ERC2: variants seen among roughly 807,000 people sequenced by gnomAD.
ERC2 encodes ELKS/RAB6-interacting/CAST family member 2, also known as ERC protein 2.
Under a neutral mutation model 114.8 loss-of-function variants are expected in ERC2, and 42 were observed. The ratio of observed to expected loss-of-function variants is 0.37; its 90% CI spans 0.29 to 0.47. The LOEUF is 0.47. Ranked by LOEUF, ERC2 falls within the 20% of genes least tolerant of loss-of-function variation. The pLI, the probability that ERC2 is intolerant of heterozygous loss-of-function variation, is 0.99. For synonymous variants in ERC2, 454 were observed against 425.5 expected (o/e 1.07, Z -0.82); for missense variants, 939 against 1,150.7 (o/e 0.82, Z 2.66).
At chr3:56,154,096 G>A (rs1197841728) in intron 4 of ERC2, among the ~76,000 whole-genome samples, 2 of 152,176 alleles carry the variant, frequency 1.3e-5, no homozygotes, top group South Asian at 2.1e-4. Flanking sequence ...AGTCATAGCT[G>A]CAAACACAAC....
intron 3 of ERC2, among the ~76,000 whole-genome samples, chr3:56,270,707 T>C (rs1424635696): frequency 6.6e-6 from 1 of 152,224 alleles, no homozygotes; most frequent in Non-Finnish European, 1.5e-5. Context: ...GGGCAGGGCA[T>C]GGTGGCTTAT....
At chr3:56,007,821 C>T (rs1291096772) in intron 9 of ERC2, among the ~76,000 whole-genome samples, 1 of 152,046 alleles carries the variant, frequency 6.6e-6, no homozygotes, top group African/African-American at 2.4e-5. Context: ...GTTTTACAAA[C>T]ATCTTCTGGA....
chr3:55,586,140 C>T (rs138396562), intron 17 of ERC2, among the ~76,000 whole-genome samples: 2,008 of 146,330 alleles, frequency 0.014, 43 homozygotes, highest in African/African-American at 0.046. Flanking sequence ...AGGTGACTGG[C>T]GGGGTGGGGA....
At chr3:56,240,384 G>GTAATTTTTTAAAAGATAAAAAAAAAAA (rs2051247266) in intron 3 of ERC2, among the ~76,000 whole-genome samples, 1 of 152,202 alleles carries the variant, frequency 6.6e-6, no homozygotes, top group African/African-American at 2.4e-5. Context: ...AGTCAGGACT[G>GTAATTTTTTAAAAGATAAAAAAAAAAA]AAGATAGTAA....
At chr3:55,838,510 T>C (rs2060995892) in intron 14 of ERC2, among the ~76,000 whole-genome samples, 1 of 151,814 alleles carries the variant, frequency 6.6e-6, no homozygotes, top group African/African-American at 2.4e-5. Context: ...TTGAACTGAA[T>C]GAAAACACAA....
chr3:55,975,944 C>T (rs1241468222), intron 12 of ERC2, among the ~76,000 whole-genome samples: 2 of 152,304 alleles, frequency 1.3e-5, no homozygotes, highest in East Asian at 3.9e-4. Context: ...TTCCCAACTC[C>T]TCTCTCCTCT....
intron 17 of ERC2, among the ~76,000 whole-genome samples, chr3:55,648,088 T>G (rs2060469853): frequency 6.6e-6 from 1 of 152,226 alleles, no homozygotes; most frequent in African/African-American, 2.4e-5. Flanking sequence ...TTCCTGAAGC[T>G]GGGGATAGGT....
intron 3 of ERC2, among the ~76,000 whole-genome samples, chr3:56,199,800 T>C (rs893679037): frequency 1.3e-5 from 2 of 152,196 alleles, no homozygotes; most frequent in Non-Finnish European, 2.9e-5. Flanking sequence ...TGAGCCACTA[T>C]GCCTGGCCAG....
chr3:55,960,280 C>T (rs891022864), intron 12 of ERC2, among the ~76,000 whole-genome samples: 2 of 152,198 alleles, frequency 1.3e-5, no homozygotes, highest in South Asian at 2.1e-4. Context: ...TCATCCCACA[C>T]CATCCTCACC....
chr3:56,438,549 T>G (rs145013714), intron 1 of ERC2, among the ~76,000 whole-genome samples: 11 of 151,378 alleles, frequency 7.3e-5, no homozygotes, highest in African/African-American at 2.7e-4. Flanking sequence ...ATAATAATGA[T>G]ATATACTTTT....
intron 14 of ERC2, among the ~76,000 whole-genome samples, chr3:55,828,329 G>A (rs1422246327): frequency 6.6e-6 from 1 of 152,158 alleles, no homozygotes; most frequent in Middle Eastern, 3.2e-3. Flanking sequence ...AAAAATTCCT[G>A]GGGAAACCTG....
intron 17 of ERC2, among the ~76,000 whole-genome samples, chr3:55,596,154 T>A (rs2058116202): frequency 6.6e-6 from 1 of 151,562 alleles, no homozygotes; most frequent in African/African-American, 2.4e-5. Flanking sequence ...TCAATTCAAA[T>A]AGGACATTAA....
intron 2 of ERC2, among the ~76,000 whole-genome samples, chr3:56,356,424 C>T (rs1041404638): frequency 1.3e-5 from 2 of 152,096 alleles, no homozygotes; most frequent in East Asian, 1.9e-4. Flanking sequence ...TGTAGGTGGA[C>T]GGAGCCCCTG....
At chr3:56,139,401 TG>T in intron 6 of ERC2, 107 bp downstream of exon 6, 2 of 1,042,310 alleles carry the variant, frequency 1.9e-6, no homozygotes, top group Non-Finnish European at 2.7e-6. Flanking sequence ...AAAATACATC[TG>T]GCCCCAAGGG....
At chr3:55,821,014 G>GA (rs1170825158) in intron 14 of ERC2, among the ~76,000 whole-genome samples, 1 of 152,106 alleles carries the variant, frequency 6.6e-6, no homozygotes, top group African/African-American at 2.4e-5. Flanking sequence ...AAGAAGGAAG[G>GA]AAACAGAATG....
intron 14 of ERC2, among the ~76,000 whole-genome samples, chr3:55,863,710 A>T (rs1401861020): frequency 6.6e-6 from 1 of 152,184 alleles, no homozygotes; most frequent in Non-Finnish European, 1.5e-5. Context: ...CCACATCATA[A>T]AAGTAAAAAG....
chr3:55,735,957 T>C (rs815448), intron 14 of ERC2, among the ~76,000 whole-genome samples: 80,581 of 151,882 alleles, frequency 0.53, 22,291 homozygotes, highest in South Asian at 0.71. Context: ...CATCCCTGAG[T>C]TCTTTCCTTC....
intron 6 of ERC2, among the ~76,000 whole-genome samples, chr3:56,093,214 T>G (rs1026379693): frequency 2.0e-5 from 3 of 152,212 alleles, no homozygotes; most frequent in African/African-American, 2.4e-5. Flanking sequence ...TTCTTTTCTA[T>G]GTCATCTTTT....
chr3:55,828,450 G>A (rs2060423555), intron 14 of ERC2, among the ~76,000 whole-genome samples: 1 of 152,196 alleles, frequency 6.6e-6, no homozygotes, highest in Non-Finnish European at 1.5e-5. Context: ...TAAAGGCGGA[G>A]TGTAGCTGGC....
Sources: allele counts gnomAD v4.1 joint callset (sites outside exome capture counted in the v4.1 genomes callset), GRCh38; gene constraint gnomAD v4.1.1; transcripts MANE v1.5; gene names NCBI Gene and HGNC (gene_info 2026-07-23, HGNC 2026-07-21).